The following FMN1 variants were observed in gnomAD, a reference collection of about 807,000 sequenced individuals.
FMN1 encodes formin 1.
In FMN1, 110 loss-of-function variants were observed where a neutral mutation model predicts 132.4. That is an observed-to-expected ratio of 0.83 (90% CI 0.71 to 0.97). FMN1 has a LOEUF of 0.97. FMN1 is among the 50% of genes least tolerant of loss of function. The pLI is 0.00. For missense variants in FMN1, 1,792 were observed against 1,705.3 expected (o/e 1.05, Z -0.90); for synonymous variants, 722 against 651.7 (o/e 1.11, Z -1.64).
intron 3 of FMN1, among the ~76,000 whole-genome samples, chr15:33,179,880 G>C (rs1208806381): frequency 6.6e-6 from 1 of 152,166 alleles, no homozygotes; most frequent in East Asian, 1.9e-4. Context: ...CTTTTTGATT[G>C]ATTGGTAAGA....
At position 32,964,645 on chromosome 15, in the gene FMN1, G is replaced by A. The variant is rs187123841; in HGVS notation, c.2988-388C>T. On this transcript the variant is annotated intron_variant, in intron 8 of 20. Coordinates refer to ENST00000616417, the MANE Select transcript of FMN1 (RefSeq NM_001277313.2). ...TAAAGGCTGAGAAGATAACCAATTTGAGACTGTGACAGGCTAATTCTGAAG... is the reference window on the plus strand; with the variant it reads ...TAAAGGCTGAGAAGATAACCAATTTAAGACTGTGACAGGCTAATTCTGAAG... 2.4e-4 allele frequency among the ~76,000 whole-genome samples: 37 copies of A among 152,288 alleles called. 1 individual carries two copies. Among genetic ancestry groups the A allele is most frequent in the Admixed American group, 2.4e-3 (37 of 15,298 alleles).
At chr15:32,991,095 T>C (rs1187803531) in intron 7 of FMN1, among the ~76,000 whole-genome samples, 1 of 152,150 alleles carries the variant, frequency 6.6e-6, no homozygotes, top group African/African-American at 2.4e-5. Context: ...GCCACCTGCC[T>C]TTCTTTTCCT....
At chr15:32,832,382 T>C (rs1217566112) in intron 17 of FMN1, among the ~76,000 whole-genome samples, 1 of 152,220 alleles carries the variant, frequency 6.6e-6, no homozygotes, top group Non-Finnish European at 1.5e-5. Context: ...AAAGGAGCTA[T>C]TGTTCCTCTA....
chr15:32,800,228 A>G (rs1434224184), intron 18 of FMN1, among the ~76,000 whole-genome samples: 2 of 152,342 alleles, frequency 1.3e-5, no homozygotes, highest in East Asian at 3.9e-4. Context: ...GTGCTTCTGT[A>G]AAGAATAAAT....
chr15:32,975,327 G>A (rs910956367), intron 7 of FMN1, among the ~76,000 whole-genome samples: 1 of 152,146 alleles, frequency 6.6e-6, no homozygotes. Flanking sequence ...ATCACACACT[G>A]CTTGCCTAGT....
At chr15:33,128,111 G>C (rs1246677626) in intron 4 of FMN1, among the ~76,000 whole-genome samples, 1 of 152,010 alleles carries the variant, frequency 6.6e-6, no homozygotes, top group African/African-American at 2.4e-5. Context: ...GAAGAAGGGA[G>C]AGGAGACACC....
chr15:32,797,409 T>G (rs2057324562), intron 19 of FMN1, among the ~76,000 whole-genome samples: 1 of 152,210 alleles, frequency 6.6e-6, no homozygotes, highest in Non-Finnish European at 1.5e-5. Context: ...GAGGGCAGAC[T>G]GGCCAGCTCC....
intron 6 of FMN1, among the ~76,000 whole-genome samples, chr15:33,052,283 A>T (rs999526151): frequency 2.6e-5 from 4 of 152,212 alleles, no homozygotes; most frequent in Non-Finnish European, 5.9e-5. Flanking sequence ...TATTAAAATT[A>T]TCATCAGCAT....
chr15:33,089,060 ACTTC>A, intron 4 of FMN1, 86 bp from the exon 5 acceptor site: 5 of 1,089,962 alleles, frequency 4.6e-6, no homozygotes, highest in Non-Finnish European at 6.4e-6. Flanking sequence ...TCCTACATAG[ACTTC>A]TCTATGCTAG....
intron 9 of FMN1, among the ~76,000 whole-genome samples, chr15:32,960,475 T>C (rs1240774267): frequency 6.6e-6 from 1 of 152,200 alleles, no homozygotes; most frequent in Non-Finnish European, 1.5e-5. Flanking sequence ...AATTTTCCTT[T>C]AATACTTCTT....
chr15:32,898,495 C>T (rs2060213046), intron 15 of FMN1, among the ~76,000 whole-genome samples: 1 of 152,090 alleles, frequency 6.6e-6, no homozygotes, highest in Non-Finnish European at 1.5e-5. Context: ...TGCTTTGCAT[C>T]ATCAGAATAC....
intron 5 of FMN1, chr15:33,066,412 T>G: frequency 9.9e-7 from 1 of 1,005,326 alleles, no homozygotes; most frequent in Non-Finnish European, 1.4e-6. Flanking sequence ...ACTAAAAGAA[T>G]CACTAACAGG....
At chr15:32,950,354 A>G (rs551905565) in intron 9 of FMN1, among the ~76,000 whole-genome samples, 3 of 152,092 alleles carry the variant, frequency 2.0e-5, no homozygotes, top group Non-Finnish European at 2.9e-5. Context: ...CCAAAGGAGT[A>G]TAAGTCATTC....
intron 6 of FMN1, among the ~76,000 whole-genome samples, chr15:33,019,175 C>G (rs2035269999): frequency 6.6e-6 from 1 of 152,168 alleles, no homozygotes. Flanking sequence ...TCTGTTTTGA[C>G]AGGGTGCTGA....
intron 2 of FMN1, among the ~76,000 whole-genome samples, chr15:33,188,828 A>G (rs1376954187): frequency 6.6e-6 from 1 of 152,188 alleles, no homozygotes; most frequent in Non-Finnish European, 1.5e-5. Context: ...GGTGACCTGG[A>G]TCTATTCTTG....
intron 16 of FMN1, among the ~76,000 whole-genome samples, chr15:32,877,557 G>A (rs891673388): frequency 6.6e-6 from 1 of 152,142 alleles, no homozygotes; most frequent in Non-Finnish European, 1.5e-5. Context: ...AAATAGCATA[G>A]TAAGAATAAT....
Position 32,792,577 on chromosome 15 carries a change from C to A in FMN1, c.4130+6227G>T, listed in dbSNP as rs144833976. Among the ~76,000 whole-genome samples the A allele has an allele frequency of 1.1e-3, 168 of 152,298 alleles. 1 individual carries two copies. Among genetic ancestry groups the A allele is most frequent in the African/African-American group, 3.9e-3 (161 of 41,552 alleles). On this transcript the variant is annotated intron_variant, in intron 19 of 20. Coordinates refer to ENST00000616417, the MANE Select transcript of FMN1 (RefSeq NM_001277313.2). ...AGTAACAATCTCAATATGCAGTTCT[C>A]CTGCTTCCTTTAGTAAAGGAAACCA...
chr15:32,923,353 A>G (rs938844724), intron 10 of FMN1, among the ~76,000 whole-genome samples: 3 of 152,220 alleles, frequency 2.0e-5, no homozygotes, highest in Non-Finnish European at 4.4e-5. Flanking sequence ...AATATAACTG[A>G]TACAGCCTGG....
chr15:32,958,873 C>G (rs1422982543), intron 9 of FMN1, among the ~76,000 whole-genome samples: 2 of 151,926 alleles, frequency 1.3e-5, no homozygotes, highest in African/African-American at 2.4e-5. Context: ...GAAAGCCCGT[C>G]TCTACTAAAA....
Sources: gnomAD v4.1 joint callset for allele counts (sites outside exome capture counted in the v4.1 genomes callset) on GRCh38, gnomAD v4.1.1 for gene constraint, MANE v1.5 for transcripts, NCBI Gene and HGNC (gene_info 2026-07-23, HGNC 2026-07-21) for gene names.